The following B4GALNT3 variants were observed in gnomAD, a reference collection of about 807,000 sequenced individuals.
B4GALNT3 encodes the protein beta-1,4-N-acetylgalactosaminyltransferase 3.
Under a neutral mutation model 120.2 loss-of-function variants are expected in B4GALNT3, and 86 were observed. The ratio of observed to expected loss-of-function variants is 0.72; its 90% confidence interval spans 0.60 to 0.86. B4GALNT3 has a LOEUF of 0.86. Among genes scored for constraint, B4GALNT3 ranks in the 40% least tolerant of loss-of-function variants. B4GALNT3 has a pLI of 0.00. For synonymous variants in B4GALNT3, 518 were observed against 510.4 expected, an observed-to-expected ratio of 1.01 and a Z score of -0.20; for missense variants, 1,167 against 1,298.9, an observed-to-expected ratio of 0.90 and a Z score of 1.56.
In B4GALNT3 at chr12:559,364, T is replaced by C; in HGVS notation, c.2831T>C (p.Met944Thr). The C allele has an allele frequency of 6.2e-7, 1 of 1,614,038 alleles. No homozygotes were observed. Among genetic ancestry groups the C allele is most frequent in the Non-Finnish European group, 8.5e-7 (1 of 1,179,970 alleles). ...YKSDLDRIGG[M>T]NTKEFRDRWG... Reference sequence around the variant, plus strand: ...TCTGACCTGGACAGGATTGGGGGCATGAACACCAAGGAGTTCCGAGACCGC... The same window carrying C: ...TCTGACCTGGACAGGATTGGGGGCACGAACACCAAGGAGTTCCGAGACCGC... Residue 944 changes from methionine to threonine, a missense_variant, in exon 19 of 20, where the codon ATG becomes ACG. This residue lies in a region of B4GALNT3 where 983 missense variants were observed against 1,102.5 expected (regional missense o/e 0.89). Coordinates refer to ENST00000266383, the MANE Select transcript of B4GALNT3 (RefSeq NM_173593.4).
At chr12:512,239 C>CCTTCCACCTT (rs542863258) in intron 1 of B4GALNT3, among the ~76,000 whole-genome samples, 4 of 79,402 alleles carry the variant, frequency 5.0e-5, no homozygotes, top group Non-Finnish European at 9.3e-5. Flanking sequence ...CCACCTTCCA[C>CCTTCCACCTT]CTTCCACCTT....
chr12:513,036 T>A (rs1204134795), intron 1 of B4GALNT3, among the ~76,000 whole-genome samples: 2 of 143,934 alleles, frequency 1.4e-5, no homozygotes, highest in Non-Finnish European at 3.0e-5. Context: ...ACCTTCCACC[T>A]TCTTCCACCT....
intron 3 of B4GALNT3, among the ~76,000 whole-genome samples, chr12:540,795 G>C (rs1192231318): frequency 6.6e-6 from 1 of 152,068 alleles, no homozygotes; most frequent in Non-Finnish European, 1.5e-5. Context: ...CCAGGATGGA[G>C]TGCAGTGGTC....
intron 15 of B4GALNT3, among the ~76,000 whole-genome samples, chr12:557,127 T>G (rs1269693438): frequency 3.3e-5 from 5 of 152,126 alleles, no homozygotes; most frequent in African/African-American, 1.2e-4. Context: ...GTGTGATAAC[T>G]GGGGTTGCTA....
intron 1 of B4GALNT3, among the ~76,000 whole-genome samples, chr12:514,089 G>A (rs1408130324): frequency 1.3e-5 from 2 of 152,144 alleles, no homozygotes; most frequent in Non-Finnish European, 2.9e-5. Flanking sequence ...TGTTTTGAGG[G>A]ACTGTCAGAT....
chr12:521,354 AC>A (rs1946707214), intron 1 of B4GALNT3, among the ~76,000 whole-genome samples: 1 of 152,310 alleles, frequency 6.6e-6, no homozygotes, highest in Admixed American at 6.5e-5. Flanking sequence ...CTAAGCAGAG[AC>A]ACACTGAGGT....
chr12:493,141 G>A (rs909327759), intron 1 of B4GALNT3, among the ~76,000 whole-genome samples: 2 of 152,072 alleles, frequency 1.3e-5, no homozygotes, highest in Non-Finnish European at 2.9e-5. Context: ...ATGTCAAAAA[G>A]AACAAGAAGA....
intron 1 of B4GALNT3, among the ~76,000 whole-genome samples, chr12:507,499 A>G (rs563855909): frequency 6.6e-6 from 1 of 152,314 alleles, no homozygotes; most frequent in South Asian, 2.1e-4. Flanking sequence ...GAGAACATGG[A>G]TGTAAATGAC....
At chr12:512,214 A>G (rs1372073258) in intron 1 of B4GALNT3, among the ~76,000 whole-genome samples, 17 of 56,092 alleles carry the variant, frequency 3.0e-4, no homozygotes, top group Non-Finnish European at 3.6e-4. Context: ...TCCACCTTCC[A>G]CCTTCCACCT....
At chr12:501,961 GC>G (rs989279128) in intron 1 of B4GALNT3, among the ~76,000 whole-genome samples, 7 of 152,194 alleles carry the variant, frequency 4.6e-5, no homozygotes, top group Admixed American at 4.6e-4. Context: ...CCATGAGTGG[GC>G]CTGGGCCAGC....
intron 1 of B4GALNT3, among the ~76,000 whole-genome samples, chr12:531,104 C>T (rs544915607): frequency 2.7e-4 from 41 of 152,246 alleles, no homozygotes; most frequent in Middle Eastern, 6.8e-3. Flanking sequence ...GCTCCACATT[C>T]CCCCAGGGGG....
In B4GALNT3 at chr12:550,202, TC is replaced by T. The variant is rs1166497615; in HGVS notation, c.997+293del. ...ACCCGGAAGTCCCCCACACATCCCT[TC>T]CCAATCTCACACGTCCCCGCCTCTT... On this transcript the variant is annotated intron_variant, in intron 10 of 19. Coordinates refer to ENST00000266383, the MANE Select transcript of B4GALNT3 (RefSeq NM_173593.4). The surrounding 1 kb of genome is among the most constrained non-coding windows in gnomAD (Gnocchi z 4.1). Among the ~76,000 whole-genome samples, 1 of 152,214 alleles carries T rather than the reference TC, an allele frequency of 6.6e-6. No individual in the cohort carries two copies. The highest frequency in any genetic ancestry group is 1.5e-5 in the Non-Finnish European group (1 of 68,048).
At chr12:464,719 G>A (rs1254139983) in intron 1 of B4GALNT3, among the ~76,000 whole-genome samples, 2 of 152,182 alleles carry the variant, frequency 1.3e-5, no homozygotes, top group African/African-American at 4.8e-5. Context: ...GATGGCATGT[G>A]CTGGCTCCTT....
At chr12:481,648 C>T (rs974465628) in intron 1 of B4GALNT3, among the ~76,000 whole-genome samples, 3 of 152,202 alleles carry the variant, frequency 2.0e-5, no homozygotes, top group Non-Finnish European at 4.4e-5. Flanking sequence ...GGGTGGAGAG[C>T]GGAGCTAATT....
In B4GALNT3 at chr12:504,695, G is replaced by A. The variant is rs192296736; in HGVS notation, c.170-30471G>A. 3.9e-5 allele frequency among the ~76,000 whole-genome samples: 6 copies of A among 152,214 alleles called. No individual in the cohort carries two copies. The East Asian group carries it at 1.2e-3, about 30-fold the overall frequency. On this transcript the variant is annotated intron_variant, in intron 1 of 19. Coordinates refer to ENST00000266383, the MANE Select transcript of B4GALNT3 (RefSeq NM_173593.4). ...CCCCTGCACTCCAGCCTGAGCAACA[G>A]AGTGAGATTCTGTCAAAAAAACAAA...
rs1196772499 is a variant in B4GALNT3 at position 553,423 on chromosome 12, A to G, written c.1500A>G (p.Pro500=). 6.2e-7 allele frequency: 1 copy of G among 1,613,944 alleles called. No homozygotes were observed. Among genetic ancestry groups the G allele is most frequent in the South Asian group, 1.1e-5 (1 of 91,086 alleles). Residue 500 remains proline, a synonymous_variant, in exon 14 of 20, where the codon CCA becomes CCG. Transcript: ENST00000266383. ...AGCGGAACTCCACAGCGTCCTTCCC[A>G]GGGAGGACCAGCCACATTCCAGTGC... ...FSKRNSTASF[P]GRTSHIPVQQ... is the part of the protein sequence containing the mutation.
rs1042272845 is a variant in B4GALNT3, at chr12:557,552, TC to T, written c.2381-54del. On this transcript the variant is annotated intron_variant, in intron 15 of 19. Coordinates refer to ENST00000266383, the MANE Select transcript of B4GALNT3 (RefSeq NM_173593.4). ...TGGGAGCTGGGGGTGGAGGCGCTCA[TC>T]CGCTCATCTTTGCCTTGTCTGTGTT... 2.6e-6 allele frequency: 4 copies of T among 1,561,002 alleles called. No homozygotes were observed. The African/African-American group carries it at 5.5e-5, about 21-fold the overall frequency.
chr12:505,185 C>T (rs867225311), intron 1 of B4GALNT3, among the ~76,000 whole-genome samples: 1 of 152,214 alleles, frequency 6.6e-6, no homozygotes, highest in Non-Finnish European at 1.5e-5. Flanking sequence ...AACCACCACG[C>T]CTGGCCTCAC....
chr12:551,160 C>G (rs1460106636), intron 11 of B4GALNT3, 129 bp downstream of exon 11: 1 of 790,862 alleles, frequency 1.3e-6, no homozygotes, highest in Non-Finnish European at 2.1e-6. Flanking sequence ...AGGACGTCCT[C>G]ACAGGTCCCT....
Sources: gnomAD v4.1 joint callset for allele counts (sites outside exome capture counted in the v4.1 genomes callset) on GRCh38, gnomAD v4.1.1 for gene constraint, gnomAD v4.1.1 regional missense constraint, Gnocchi (gnomAD v3.1) non-coding constraint, MANE v1.5 for transcripts, NCBI Gene and HGNC (gene_info 2026-07-23, HGNC 2026-07-21) for gene names.